Variants in ZRANB3 observed in about 807,000 individuals in gnomAD.
ZRANB3 encodes the protein DNA annealing helicase and endonuclease ZRANB3.
A neutral mutation model predicts 133.8 loss-of-function variants in ZRANB3; 125 were observed. That is an observed-to-expected ratio of 0.93 (90% confidence interval 0.81 to 1.08). The LOEUF is 1.08. Ranked by LOEUF, ZRANB3 falls within the 50% of genes least tolerant of loss-of-function variation. ZRANB3 has a pLI of 0.00. For synonymous variants in ZRANB3, 387 were observed against 432.7 expected (o/e 0.89, Z 1.31); for missense variants, 1,229 against 1,275.5 (o/e 0.96, Z 0.56).
chr2:135,337,369 C>T (rs1207709909), intron 6 of ZRANB3, among the ~76,000 whole-genome samples: 1 of 152,142 alleles, frequency 6.6e-6, no homozygotes, highest in Non-Finnish European at 1.5e-5. Flanking sequence ...CAGAATCCAT[C>T]AGGGAAAAAG....
At chr2:135,509,695 C>T (rs764181662) in intron 1 of ZRANB3, among the ~76,000 whole-genome samples, 2 of 152,064 alleles carry the variant, frequency 1.3e-5, no homozygotes, top group Non-Finnish European at 2.9e-5. Context: ...ACTAACAGTT[C>T]AAGAAAAGCC....
intron 3 of ZRANB3, among the ~76,000 whole-genome samples, chr2:135,383,570 C>T (rs921060787): frequency 6.6e-6 from 1 of 152,112 alleles, no homozygotes; most frequent in Non-Finnish European, 1.5e-5. Flanking sequence ...ACCTCACTTA[C>T]TCCAAAATTG....
chr2:135,238,502 T>C (rs1695408387), intron 12 of ZRANB3, among the ~76,000 whole-genome samples: 1 of 152,002 alleles, frequency 6.6e-6, no homozygotes, highest in South Asian at 2.1e-4. Flanking sequence ...TAGCTGGGAT[T>C]ACAGGTGTTC....
chr2:135,429,732 G>A (rs544906619), intron 2 of ZRANB3, among the ~76,000 whole-genome samples: 28 of 152,196 alleles, frequency 1.8e-4, no homozygotes, highest in African/African-American at 6.5e-4. Flanking sequence ...TTAGAGATAC[G>A]GGAAACGGTA....
chr2:135,482,863 T>C (rs1476179108), intron 2 of ZRANB3, among the ~76,000 whole-genome samples: 1 of 152,154 alleles, frequency 6.6e-6, no homozygotes, highest in Non-Finnish European at 1.5e-5. Context: ...TTTCTGCATC[T>C]ATTGAGATAA....
rs560326508 is a variant in ZRANB3 at position 135,235,921 on chromosome 2, T to C, written c.1540-4994A>G. Among the ~76,000 whole-genome samples the C allele has an allele frequency of 9.6e-4, 145 of 151,682 alleles. 2 individuals are homozygous for C. Among genetic ancestry groups the C allele is most frequent in the African/African-American group, 3.3e-3 (138 of 41,298 alleles). Reference sequence around the variant, plus strand: ...CTCACCACTCCTATTCAACATAGTGTTGGAAGTTCTGGCCAGGGCAATGAG... The same window carrying C: ...CTCACCACTCCTATTCAACATAGTGCTGGAAGTTCTGGCCAGGGCAATGAG... On this transcript the variant is annotated intron_variant, in intron 12 of 20. Transcript: ENST00000264159.
chr2:135,398,747 T>A (rs1257004954), intron 2 of ZRANB3, among the ~76,000 whole-genome samples: 1 of 151,200 alleles, frequency 6.6e-6, no homozygotes, highest in East Asian at 2.0e-4. Context: ...ATGGTCTCGA[T>A]CTCCTGACCT....
intron 6 of ZRANB3, among the ~76,000 whole-genome samples, chr2:135,336,063 A>G (rs146767343): frequency 2.8e-4 from 43 of 152,320 alleles, no homozygotes; most frequent in African/African-American, 8.9e-4. Flanking sequence ...GCCTTCTCCA[A>G]ATCATATTTG....
intron 2 of ZRANB3, among the ~76,000 whole-genome samples, chr2:135,394,890 C>G (rs1687408447): frequency 1.5e-5 from 2 of 135,840 alleles, no homozygotes; most frequent in South Asian, 4.5e-4. Flanking sequence ...GAGGCTGAGG[C>G]AGGATTGCTT....
In ZRANB3 at chr2:135,250,808, T is replaced by C. The variant is rs373493223; in HGVS notation, c.1539+14726A>G. On this transcript the variant is annotated intron_variant, in intron 12 of 20. Coordinates refer to ENST00000264159, the MANE Select transcript of ZRANB3 (RefSeq NM_032143.4). ...ATGCCTAGGCAAGTTTGCTGCAGGGTTGGGGCCCTCATGGAGAGCCTCTGC... is the reference window on the plus strand; with the variant it reads ...ATGCCTAGGCAAGTTTGCTGCAGGGCTGGGGCCCTCATGGAGAGCCTCTGC... Among the ~76,000 whole-genome samples the C allele has an allele frequency of 9.0e-4, 137 of 152,330 alleles. 1 individual carries two copies. Among genetic ancestry groups the C allele is most frequent in the African/African-American group, 3.0e-3 (125 of 41,572 alleles).
At chr2:135,431,314 T>C (rs1319594541) in intron 2 of ZRANB3, among the ~76,000 whole-genome samples, 2 of 150,716 alleles carry the variant, frequency 1.3e-5, no homozygotes, top group African/African-American at 4.9e-5. Flanking sequence ...TAAATATATA[T>C]GTAAAAAAAA....
chr2:135,284,527 A>G (rs1307384205), intron 8 of ZRANB3, among the ~76,000 whole-genome samples: 1 of 152,184 alleles, frequency 6.6e-6, no homozygotes, highest in Admixed American at 6.5e-5. Context: ...GCTGGAGTGC[A>G]GTGGCGCGAT....
chr2:135,449,556 G>A (rs945219548), intron 2 of ZRANB3, among the ~76,000 whole-genome samples: 1 of 152,122 alleles, frequency 6.6e-6, no homozygotes, highest in African/African-American at 2.4e-5. Context: ...GAAGGCAGAG[G>A]TTGCAGTGAG....
At chr2:135,279,764 CG>C (rs892830444) in intron 8 of ZRANB3, among the ~76,000 whole-genome samples, 7 of 152,188 alleles carry the variant, frequency 4.6e-5, no homozygotes, top group South Asian at 2.1e-4. Context: ...AAAAGGTTTA[CG>C]GTTACTAACA....
chr2:135,518,146 C>T (rs759503065), intron 1 of ZRANB3, among the ~76,000 whole-genome samples: 3 of 152,122 alleles, frequency 2.0e-5, no homozygotes, highest in East Asian at 1.9e-4. Context: ...CTTCAGACTG[C>T]GTGCTGGAAG....
intron 17 of ZRANB3, among the ~76,000 whole-genome samples, chr2:135,213,886 G>A (rs1400718625): frequency 6.6e-6 from 1 of 152,152 alleles, no homozygotes; most frequent in Non-Finnish European, 1.5e-5. Context: ...GCCCTTAAAA[G>A]CAGAAGACGA....
rs369251664 is a variant in ZRANB3, at chr2:135,205,808, G to A, written c.3009+1626C>T. On this transcript the variant is annotated intron_variant, in intron 19 of 20. Coordinates refer to ENST00000264159, the MANE Select transcript of ZRANB3 (RefSeq NM_032143.4). ...CAATGCAATGAACACATATATGTGT[G>A]TGAGTGTATATACACATACATAGCC... Among the ~76,000 whole-genome samples, 3 of 152,166 alleles carry A rather than the reference G, an allele frequency of 2.0e-5. No homozygotes were observed. In the East Asian group the frequency reaches 5.8e-4, roughly 29 times the overall value.
chr2:135,489,783 GA>G (rs916680672), intron 2 of ZRANB3, among the ~76,000 whole-genome samples: 18 of 151,244 alleles, frequency 1.2e-4, no homozygotes, highest in African/African-American at 3.9e-4. Flanking sequence ...GGGTTTTGGA[GA>G]AAAAAATAAA....
rs142251025 is a variant in ZRANB3 at position 135,298,610 on chromosome 2, G to A, written c.966+14879C>T. On this transcript the variant is annotated intron_variant, in intron 8 of 20. Coordinates refer to ENST00000264159, the MANE Select transcript of ZRANB3 (RefSeq NM_032143.4). Reference sequence around the variant, plus strand: ...TGCTCTTATGGGTCTAGCCACCCCAGTAGAGCTACTGGCCTCTGGGCTGGT... The same window carrying A: ...TGCTCTTATGGGTCTAGCCACCCCAATAGAGCTACTGGCCTCTGGGCTGGT... Among the ~76,000 whole-genome samples the A allele has an allele frequency of 3.0e-3, 450 of 152,254 alleles. 3 individuals are homozygous for A. Among genetic ancestry groups the A allele is most frequent in the African/African-American group, 0.01 (419 of 41,542 alleles).
Sources: gnomAD v4.1 joint callset for allele counts (sites outside exome capture counted in the v4.1 genomes callset) on GRCh38, gnomAD v4.1.1 for gene constraint, MANE v1.5 for transcripts, NCBI Gene and HGNC (gene_info 2026-07-23, HGNC 2026-07-21) for gene names.